CLASP2: variants seen among roughly 807,000 people sequenced by gnomAD.
CLASP2 encodes the protein CLIP-associating protein 2.
CLASP2 carries 47 observed loss-of-function variants against 194.4 expected under a neutral mutation model. The ratio of observed to expected loss-of-function variants is 0.24; its 90% CI spans 0.19 to 0.31. The LOEUF (loss-of-function observed/expected upper bound fraction) is 0.31. CLASP2 is among the 10% of genes least tolerant of loss of function. The pLI, the probability that CLASP2 is intolerant of heterozygous loss-of-function variation, is 1.00. For missense variants in CLASP2, 1,445 were observed against 1,823.6 expected, an observed-to-expected ratio of 0.79 and a Z score of 3.78; for synonymous variants, 619 against 633.5, an observed-to-expected ratio of 0.98 and a Z score of 0.34.
intron 37 of CLASP2, among the ~76,000 whole-genome samples, chr3:33,506,021 T>G (rs1235185764): frequency 6.6e-6 from 1 of 152,152 alleles, no homozygotes; most frequent in African/African-American, 2.4e-5. Flanking sequence ...TAAAACATTA[T>G]CCTATGTCCT....
At chr3:33,545,960 T>A (rs2059097711) in intron 30 of CLASP2, among the ~76,000 whole-genome samples, 1 of 151,320 alleles carries the variant, frequency 6.6e-6, no homozygotes, top group South Asian at 2.1e-4. Flanking sequence ...AACAAAGAAG[T>A]GTAAGTTGTG....
chr3:33,677,039 A>G (rs1399388289), intron 6 of CLASP2, among the ~76,000 whole-genome samples: 2 of 152,168 alleles, frequency 1.3e-5, no homozygotes, highest in Non-Finnish European at 2.9e-5. Flanking sequence ...GCAATCATTA[A>G]AAAGTCAGGA....
At chr3:33,595,943 T>C (rs867097793) in intron 19 of CLASP2, among the ~76,000 whole-genome samples, 38 of 152,166 alleles carry the variant, frequency 2.5e-4, no homozygotes, top group African/African-American at 8.9e-4. Context: ...ATTAGATCAA[T>C]TTTCCATTTA....
chr3:33,526,335 T>C (rs1320813088), intron 34 of CLASP2, among the ~76,000 whole-genome samples: 2 of 152,124 alleles, frequency 1.3e-5, no homozygotes, highest in African/African-American at 4.8e-5. Flanking sequence ...GCAATCCTAA[T>C]TTCAGACAGA....
intron 34 of CLASP2, among the ~76,000 whole-genome samples, chr3:33,521,905 T>C (rs1038131084): frequency 5.9e-5 from 9 of 152,158 alleles, no homozygotes; most frequent in African/African-American, 2.2e-4. Flanking sequence ...CCCAGCCCCT[T>C]GACAGGCAGC....
chr3:33,516,408 C>T (rs1295187604), intron 35 of CLASP2, among the ~76,000 whole-genome samples: 3 of 152,144 alleles, frequency 2.0e-5, no homozygotes, highest in African/African-American at 7.2e-5. Context: ...TGGCTCATGC[C>T]AGTAATCCCA....
intron 37 of CLASP2, chr3:33,503,661 C>T (rs1416197272): frequency 6.6e-6 from 1 of 152,116 alleles, no homozygotes; most frequent in East Asian, 1.9e-4. Context: ...TTCCTGACCT[C>T]AAGTGATTCA....
At chr3:33,626,019 C>T (rs1436669398) in intron 10 of CLASP2, among the ~76,000 whole-genome samples, 1 of 152,072 alleles carries the variant, frequency 6.6e-6, no homozygotes, top group Non-Finnish European at 1.5e-5. Flanking sequence ...TCATGTTTCT[C>T]TACAGATCAC....
At chr3:33,609,172 T>C (rs1188389413) in intron 13 of CLASP2, among the ~76,000 whole-genome samples, 1 of 151,634 alleles carries the variant, frequency 6.6e-6, no homozygotes, top group East Asian at 2.0e-4. Context: ...CCCAGCTACT[T>C]GAGAGGTGGA....
At chr3:33,701,771 A>T (rs1178409750) in intron 1 of CLASP2, among the ~76,000 whole-genome samples, 2 of 152,240 alleles carry the variant, frequency 1.3e-5, no homozygotes, top group Non-Finnish European at 2.9e-5. Context: ...TGCAAAATAA[A>T]AAATGAACCT....
At chr3:33,516,218 T>C in intron 35 of CLASP2, 67 bp from the exon 36 acceptor site, 1 of 1,472,000 alleles carries the variant, frequency 6.8e-7, no homozygotes, top group Non-Finnish European at 9.1e-7. Context: ...TTTTCAATTT[T>C]TGTAACTTAA....
intron 23 of CLASP2, chr3:33,577,083 A>C: frequency 1.2e-6 from 1 of 859,066 alleles, no homozygotes; most frequent in Non-Finnish European, 1.7e-6. Flanking sequence ...ATTCTCCAAC[A>C]AATTAAATTT....
At position 33,718,132 on chromosome 3, in the gene CLASP2, G is replaced by A. The variant is rs866662049; in HGVS notation, c.-130C>T. 4.0e-5 allele frequency: 37 copies of A among 921,632 alleles called. 2 individuals are homozygous for A. In the African/African-American group the frequency reaches 5.6e-4, roughly 14 times the overall value. 57.1% of individuals were successfully genotyped at this position (921,632 alleles called of 1,614,324 possible). A position where few individuals can be genotyped will look rare whatever the true frequency, so the allele number is the denominator to read the frequency against. ...AGCCCGCCAGGGGCGCGGCTTGCGGGGCGCAGCGGGCGGCGGGAGGAACGC... is the reference window on the plus strand; with the variant it reads ...AGCCCGCCAGGGGCGCGGCTTGCGGAGCGCAGCGGGCGGCGGGAGGAACGC... On this transcript the variant is annotated 5_prime_UTR_variant, in exon 1 of 39. Coordinates refer to ENST00000682230, the MANE Select transcript of CLASP2 (RefSeq NM_001365631.1).
intron 19 of CLASP2, among the ~76,000 whole-genome samples, chr3:33,596,094 G>C (rs1167997830): frequency 6.6e-6 from 1 of 151,736 alleles, no homozygotes; most frequent in East Asian, 1.9e-4. Flanking sequence ...GAAGTGAAGG[G>C]AAAGTGTGGA....
At chr3:33,678,514 T>C (rs1269153046) in intron 6 of CLASP2, among the ~76,000 whole-genome samples, 1 of 152,198 alleles carries the variant, frequency 6.6e-6, no homozygotes, top group East Asian at 1.9e-4. Flanking sequence ...TCTTTTTAGT[T>C]TTCTTTTCTA....
chr3:33,551,116 A>T, intron 30 of CLASP2, 136 bp downstream of exon 30: 1 of 689,696 alleles, frequency 1.4e-6, no homozygotes. Context: ...AAACAATTTT[A>T]AAGATTTTTT....
At chr3:33,713,586 G>T (rs2093140990) in intron 1 of CLASP2, among the ~76,000 whole-genome samples, 1 of 152,152 alleles carries the variant, frequency 6.6e-6, no homozygotes, top group Non-Finnish European at 1.5e-5. Context: ...CTCAGAATGC[G>T]AAAGGGGCTA....
At chr3:33,634,429 C>T (rs763524213) in intron 8 of CLASP2, among the ~76,000 whole-genome samples, 9 of 152,208 alleles carry the variant, frequency 5.9e-5, no homozygotes, top group Non-Finnish European at 8.8e-5. Context: ...TTACTCAACT[C>T]TGCAAATGAA....
At chr3:33,605,936 T>C (rs148667099) in intron 16 of CLASP2, among the ~76,000 whole-genome samples, 17 of 152,046 alleles carry the variant, frequency 1.1e-4, no homozygotes, top group African/African-American at 3.6e-4. Flanking sequence ...TGAGCTGCTC[T>C]TCCCTGGGGG....
Sources: allele counts gnomAD v4.1 joint callset (sites outside exome capture counted in the v4.1 genomes callset), GRCh38; gene constraint gnomAD v4.1.1; transcripts MANE v1.5; gene names NCBI Gene and HGNC (gene_info 2026-07-23, HGNC 2026-07-21).